The following TSPAN18 variants were observed in gnomAD, a reference collection of about 807,000 sequenced individuals.
The protein encoded by TSPAN18 is tetraspanin 18, also known as tetraspanin-18.
Under a neutral mutation model 27.3 loss-of-function variants are expected in TSPAN18, and 14 were observed. That is an observed-to-expected ratio of 0.51 (90% CI 0.34 to 0.80). The LOEUF (loss-of-function observed/expected upper bound fraction) is 0.80. Among genes scored for constraint, TSPAN18 ranks in the 30% least tolerant of loss-of-function variants. The pLI is 0.01. For synonymous variants in TSPAN18, 143 were observed against 136.5 expected, an observed-to-expected ratio of 1.05 and a Z score of -0.33; for missense variants, 268 against 323.9, an observed-to-expected ratio of 0.83 and a Z score of 1.32.
intron 2 of TSPAN18, among the ~76,000 whole-genome samples, chr11:44,856,664 G>A (rs1474040788): frequency 6.6e-6 from 1 of 152,134 alleles, no homozygotes; most frequent in East Asian, 1.9e-4. Context: ...GGAATCCCAG[G>A]TATATAGCAA....
chr11:44,850,926 TA>T (rs1447720484), intron 2 of TSPAN18, among the ~76,000 whole-genome samples: 1 of 152,132 alleles, frequency 6.6e-6, no homozygotes, highest in African/African-American at 2.4e-5. Context: ...ACTCCAGGGT[TA>T]AAGATGGTGG....
intron 2 of TSPAN18, among the ~76,000 whole-genome samples, chr11:44,844,177 C>T (rs1251767434): frequency 2.0e-5 from 3 of 152,242 alleles, no homozygotes; most frequent in Non-Finnish European, 2.9e-5. Flanking sequence ...ATTCTTCTGT[C>T]ATGGCTTCAG....
At chr11:44,768,131 C>T (rs1855611862) in intron 2 of TSPAN18, among the ~76,000 whole-genome samples, 1 of 152,128 alleles carries the variant, frequency 6.6e-6, no homozygotes, top group Non-Finnish European at 1.5e-5. Context: ...TTGTTGATAT[C>T]CATAAAACAA....
At chr11:44,868,122 C>G (rs916213123) in intron 3 of TSPAN18, among the ~76,000 whole-genome samples, 1 of 152,040 alleles carries the variant, frequency 6.6e-6, no homozygotes, top group Non-Finnish European at 1.5e-5. Flanking sequence ...CCGGGTGCAG[C>G]GTGGATACCC....
chr11:44,750,761 G>A (rs1055935669), intron 1 of TSPAN18, among the ~76,000 whole-genome samples: 1 of 152,214 alleles, frequency 6.6e-6, no homozygotes, highest in African/African-American at 2.4e-5. Context: ...AAACATCCCA[G>A]CTAGGATGAG....
At chr11:44,784,754 G>A (rs1440214536) in intron 2 of TSPAN18, among the ~76,000 whole-genome samples, 2 of 151,932 alleles carry the variant, frequency 1.3e-5, no homozygotes, top group Admixed American at 6.6e-5. Context: ...AGCAACCACC[G>A]GCAAGGTAGA....
At chr11:44,889,283 C>T (rs1326372175) in intron 3 of TSPAN18, among the ~76,000 whole-genome samples, 1 of 152,256 alleles carries the variant, frequency 6.6e-6, no homozygotes, top group Non-Finnish European at 1.5e-5. Flanking sequence ...GTAAACCCCT[C>T]TCCTTGAAGA....
chr11:44,865,311 G>C (rs923223512), intron 3 of TSPAN18, among the ~76,000 whole-genome samples: 11 of 152,130 alleles, frequency 7.2e-5, no homozygotes, highest in Non-Finnish European at 2.9e-5. Context: ...AGCACTAATG[G>C]CATCATAGGG....
At chr11:44,906,538 T>G in intron 4 of TSPAN18, 59 bp downstream of exon 4, 1 of 1,486,682 alleles carries the variant, frequency 6.7e-7, no homozygotes, top group Non-Finnish European at 9.4e-7. Flanking sequence ...GCTGCTGCTT[T>G]GAAATAGTCA....
rs189207698 is a variant in TSPAN18 at position 44,790,486 on chromosome 11, A to T, written c.-153+25974A>T. On this transcript the variant is annotated intron_variant, in intron 2 of 9. Coordinates refer to ENST00000520358, the MANE Select transcript of TSPAN18 (RefSeq NM_130783.5). ...ATGCATGTGTTCGTGTGTGTGCATGAGTGTGTATGCATATGTTTGTGTGTG... is the reference window on the plus strand; with the variant it reads ...ATGCATGTGTTCGTGTGTGTGCATGTGTGTGTATGCATATGTTTGTGTGTG... Among the ~76,000 whole-genome samples the T allele has an allele frequency of 4.3e-3, 543 of 125,192 alleles. 3 individuals carry two copies. The highest frequency in any genetic ancestry group is 0.015 in the African/African-American group (463 of 31,836). 82.1% of individuals were successfully genotyped at this position (125,192 alleles called of 152,430 possible). A position where few individuals can be genotyped will look rare whatever the true frequency, so the allele number is the denominator to read the frequency against.
In TSPAN18 at chr11:44,882,627, C is replaced by CACACACAGAGAG. The variant is rs375349718; in HGVS notation, c.-11+22159_-11+22160insCACACAGAGAGA. Reference sequence around the variant, plus strand: ...ACACACACACACACACACACACACACAGAGAGAGAGCATGTGCGTGCATGT... The same window carrying CACACACAGAGAG: ...ACACACACACACACACACACACACACACACACAGAGAGAGAGAGAGAGCATGTGCGTGCATGT... On this transcript the variant is annotated intron_variant, in intron 3 of 9. Transcript: ENST00000520358. Among the ~76,000 whole-genome samples the CACACACAGAGAG allele has an allele frequency of 3.2e-3, 416 of 130,682 alleles. 1 individual carries two copies. Among genetic ancestry groups the CACACACAGAGAG allele is most frequent in the Non-Finnish European group, 4.6e-3 (288 of 62,428 alleles). 85.7% of individuals were successfully genotyped at this position (130,682 alleles called of 152,430 possible). A position where few individuals can be genotyped will look rare whatever the true frequency, so the allele number is the denominator to read the frequency against.
In TSPAN18 at chr11:44,780,979, G is replaced by A. The variant is rs1031701428; in HGVS notation, c.-153+16467G>A. Among the ~76,000 whole-genome samples the A allele has an allele frequency of 2.6e-5, 4 of 152,200 alleles. No individual in the cohort carries two copies. In the South Asian group the frequency reaches 6.2e-4, roughly 24 times the overall value. ...GGAGTACCTGCTTTTCAGACACGGCGGTGAGCTTATTTTTTCTGTCCCTTT... is the reference window on the plus strand; with the variant it reads ...GGAGTACCTGCTTTTCAGACACGGCAGTGAGCTTATTTTTTCTGTCCCTTT... On this transcript the variant is annotated intron_variant, in intron 2 of 9. Transcript: ENST00000520358.
intron 3 of TSPAN18, among the ~76,000 whole-genome samples, chr11:44,891,230 G>A (rs1858840295): frequency 6.6e-6 from 1 of 152,132 alleles, no homozygotes; most frequent in Admixed American, 6.5e-5. Flanking sequence ...TTAATCTTAT[G>A]TATTATATTT....
At chr11:44,846,658 C>A (rs751801548) in intron 2 of TSPAN18, among the ~76,000 whole-genome samples, 2 of 151,714 alleles carry the variant, frequency 1.3e-5, no homozygotes, top group Non-Finnish European at 2.9e-5. Context: ...TGGGGCCAAC[C>A]CTAGCTGAGA....
chr11:44,782,516 T>C (rs565683808), intron 2 of TSPAN18, among the ~76,000 whole-genome samples: 9 of 149,922 alleles, frequency 6.0e-5, no homozygotes, highest in Non-Finnish European at 1.2e-4. Context: ...GCACTCCAGC[T>C]TGGGTGACAG....
At chr11:44,836,489 G>A (rs1316443797) in intron 2 of TSPAN18, among the ~76,000 whole-genome samples, 3 of 152,190 alleles carry the variant, frequency 2.0e-5, no homozygotes, top group Admixed American at 6.5e-5. Flanking sequence ...AAAAGCCCAC[G>A]GTGAGGCAGG....
chr11:44,766,920 C>T (rs1158876184), intron 2 of TSPAN18, among the ~76,000 whole-genome samples: 5 of 152,156 alleles, frequency 3.3e-5, no homozygotes, highest in Admixed American at 2.6e-4. Flanking sequence ...GGGCAAAGAG[C>T]ATGCACCCCA....
At chr11:44,861,466 C>T (rs1437192130) in intron 3 of TSPAN18, among the ~76,000 whole-genome samples, 3 of 6,732 alleles carry the variant, frequency 4.5e-4, no homozygotes, top group African/African-American at 1.4e-3. Flanking sequence ...TGGGGGCGGT[C>T]GGTGCTGGGC....
intron 1 of TSPAN18, among the ~76,000 whole-genome samples, chr11:44,760,896 T>C (rs1855438970): frequency 6.6e-6 from 1 of 152,218 alleles, no homozygotes; most frequent in African/African-American, 2.4e-5. Flanking sequence ...TTTCTGTTTC[T>C]TAGAAGTACT....
Sources: gnomAD v4.1 joint callset for allele counts (sites outside exome capture counted in the v4.1 genomes callset) on GRCh38, gnomAD v4.1.1 for gene constraint, MANE v1.5 for transcripts, NCBI Gene and HGNC (gene_info 2026-07-23, HGNC 2026-07-21) for gene names.